Variants in HEPH observed in about 807,000 individuals in gnomAD.
The protein encoded by HEPH is hephaestin.
In HEPH, 69 loss-of-function variants were observed where a neutral mutation model predicts 80.8. The observed-to-expected ratio is 0.85, with a 90% CI of 0.70 to 1.04. The LOEUF (loss-of-function observed/expected upper bound fraction) is 1.04. Among genes scored for constraint, HEPH ranks in the 50% least tolerant of loss-of-function variants. HEPH has a pLI of 0.00. For synonymous variants in HEPH, 431 were observed against 322.8 expected (o/e 1.34, Z -3.60); for missense variants, 1,115 against 891.3 (o/e 1.25, Z -3.20).
In HEPH at chrX:66,255,130, G is replaced by T; in HGVS notation, c.2659G>T (p.Asp887Tyr). ...CVSWIYYSAV[D>Y]PIKDMYSGLV... is the part of the protein sequence containing the mutation. ...TTCCTGGATCTATTATTCTGCAGTG[G>T]ATCCCATCAAGGTAAATACAAGATT... Residue 887 changes from aspartate to tyrosine, a missense_variant, in exon 16 of 21, where the codon GAT becomes TAT. Physicochemically the swap from Asp to Tyr is radical, Grantham distance 160 (BLOSUM62 -3). Coordinates refer to ENST00000343002, the MANE Select transcript of HEPH (RefSeq NM_001367233.3). 2 of 1,195,683 alleles carry T rather than the reference G, an allele frequency of 1.7e-6. No individual in the cohort carries two copies. Among genetic ancestry groups the T allele is most frequent in the Non-Finnish European group, 2.3e-6 (2 of 883,100 alleles).
At chrX:66,243,463 T>C (rs1412842819) in intron 15 of HEPH, among the ~76,000 whole-genome samples, 1 of 112,684 alleles carries the variant, frequency 8.9e-6, no homozygotes, top group East Asian at 2.8e-4. Context: ...TTAAAGTCTG[T>C]TTTGTCTGAA....
intron 13 of HEPH, 69 bp from the exon 14 acceptor site, chrX:66,207,126 C>T (rs1367678042): frequency 1.9e-6 from 2 of 1,078,494 alleles, no homozygotes; most frequent in East Asian, 3.2e-5. Flanking sequence ...CTTAGCTTCC[C>T]CATAAATACT....
chrX:66,216,725 C>T (rs1290376290), intron 15 of HEPH, among the ~76,000 whole-genome samples: 1 of 111,874 alleles, frequency 8.9e-6, no homozygotes, highest in Non-Finnish European at 1.9e-5. Context: ...ATAAAAATCT[C>T]TGAATGGCCA....
rs141417858 is a variant in HEPH, at chrX:66,264,520, G to T, written c.3244+832G>T. The stretch of plus-strand genomic sequence containing the variant: ...AGAGATTATTTTTCTGTGCAGCCCA[G>T]GTCCAAATAGTGTTGTTATTCTCCA... On this transcript the variant is annotated intron_variant, in intron 20 of 20. Transcript: ENST00000343002. Among the ~76,000 whole-genome samples, 5 of 108,975 alleles carry T rather than the reference G, an allele frequency of 4.6e-5. No individual in the cohort carries two copies. In the East Asian group the frequency reaches 1.4e-3, roughly 31 times the overall value. The allele number at this position is 108,975 out of a possible 115,157, so 94.6% of individuals were successfully genotyped here.
At chrX:66,214,252 T>C (rs2089287363) in intron 15 of HEPH, among the ~76,000 whole-genome samples, 1 of 112,344 alleles carries the variant, frequency 8.9e-6, no homozygotes, top group Admixed American at 9.4e-5. Flanking sequence ...TAAGAGATGA[T>C]GGCAGCTTGG....
chrX:66,242,819 C>G (rs1330658228), intron 15 of HEPH, among the ~76,000 whole-genome samples: 2 of 111,742 alleles, frequency 1.8e-5, no homozygotes, highest in African/African-American at 3.3e-5. Context: ...GAGATGCCAT[C>G]TCACACCTGT....
At chrX:66,193,247 A>T (rs1384372941) in intron 7 of HEPH, among the ~76,000 whole-genome samples, 1 of 110,307 alleles carries the variant, frequency 9.1e-6, no homozygotes, top group Non-Finnish European at 1.9e-5. Flanking sequence ...CCAATAATTT[A>T]AAATATCCAA....
intron 4 of HEPH, among the ~76,000 whole-genome samples, chrX:66,178,127 A>T (rs915310924): frequency 9.0e-6 from 1 of 110,634 alleles, no homozygotes; most frequent in Admixed American, 9.7e-5. Flanking sequence ...CCAGTGTGTG[A>T]TGTTCCCTTT....
chrX:66,260,227 G>A lies in HEPH; in HGVS notation c.3164G>A (p.Gly1055Asp). ...CATGTGACTGACCATGTCCATGCTGGCATGGAGACCCTCTTCACTGTTTTT... is the reference window on the plus strand; with the variant it reads ...CATGTGACTGACCATGTCCATGCTGACATGGAGACCCTCTTCACTGTTTTT... ...HCHVTDHVHAGMETLFTVFSR... is the reference protein window; with the variant it reads ...HCHVTDHVHADMETLFTVFSR... Residue 1055 changes from glycine to aspartate, a missense_variant, in exon 19 of 21, where the codon GGC becomes GAC. Gly to Asp is a moderately conservative substitution (Grantham distance 94). This residue lies in a region of HEPH where 716 missense variants were observed against 523.5 expected (regional missense o/e 1.37). Transcript: ENST00000343002. 1 of 1,209,108 alleles carries A rather than the reference G, an allele frequency of 8.3e-7. No homozygotes were observed. Among genetic ancestry groups the A allele is most frequent in the Non-Finnish European group, 1.1e-6 (1 of 893,766 alleles).
At chrX:66,241,542 T>C (rs930188339) in intron 15 of HEPH, among the ~76,000 whole-genome samples, 1 of 111,642 alleles carries the variant, frequency 9.0e-6, no homozygotes, top group Non-Finnish European at 1.9e-5. Context: ...AAGGGTTTAA[T>C]TCAACAGGAA....
chrX:66,259,127 T>C, intron 18 of HEPH, 148 bp downstream of exon 18: 2 of 609,288 alleles, frequency 3.3e-6, no homozygotes, highest in South Asian at 9.4e-5. Flanking sequence ...GAAATTCTAG[T>C]CTGGCTGTAT....
intron 17 of HEPH, among the ~76,000 whole-genome samples, chrX:66,257,799 G>T (rs2091230306): frequency 9.0e-6 from 1 of 111,590 alleles, no homozygotes; most frequent in Admixed American, 9.5e-5. Context: ...GATTATAAAT[G>T]ATTGCTTCCT....
At chrX:66,211,968 C>A (rs1379718240) in intron 15 of HEPH, among the ~76,000 whole-genome samples, 1 of 110,865 alleles carries the variant, frequency 9.0e-6, no homozygotes, top group Non-Finnish European at 1.9e-5. Flanking sequence ...TGTAAGAGTT[C>A]CCTTTTCTCT....
chrX:66,243,805 T>C (rs748779092), intron 15 of HEPH, among the ~76,000 whole-genome samples: 4 of 112,369 alleles, frequency 3.6e-5, no homozygotes, highest in African/African-American at 1.3e-4. Context: ...TTGGTAAGGG[T>C]CTTTCCTTTT....
intron 15 of HEPH, among the ~76,000 whole-genome samples, chrX:66,209,924 C>G (rs775490250): frequency 9.0e-6 from 1 of 111,229 alleles, no homozygotes; most frequent in African/African-American, 3.3e-5. Context: ...TAAAGATAGA[C>G]TTACAGATCT....
intron 15 of HEPH, among the ~76,000 whole-genome samples, chrX:66,227,486 C>T (rs1175590500): frequency 1.8e-5 from 2 of 111,556 alleles, no homozygotes; most frequent in Non-Finnish European, 3.8e-5. Context: ...GTCAAACTGT[C>T]ACTGTTTGCT....
chrX:66,188,142 A>G (rs1323968884), intron 4 of HEPH, among the ~76,000 whole-genome samples: 1 of 111,652 alleles, frequency 9.0e-6, no homozygotes, highest in East Asian at 2.8e-4. Flanking sequence ...TGTAGATCCT[A>G]TGTGTCCTAA....
rs1041781751 is a variant in HEPH, at chrX:66,172,299, C to A, written c.168-56C>A. 4.5e-6 allele frequency: 5 copies of A among 1,115,384 alleles called. No individual in the cohort carries two copies. In the East Asian group the frequency reaches 1.2e-4, roughly 27 times the overall value. The allele number at this position is 1,115,384 out of a possible 1,213,427, so 91.9% of individuals were successfully genotyped here. Reference sequence around the variant, plus strand: ...TGGTCAGTATCCTCTGGAAAAGGAACCTCTCAAGGCTTGAAGATGGGGGGC... The same window carrying A: ...TGGTCAGTATCCTCTGGAAAAGGAAACTCTCAAGGCTTGAAGATGGGGGGC... On this transcript the variant is annotated intron_variant, in intron 2 of 20. Coordinates refer to ENST00000343002, the MANE Select transcript of HEPH (RefSeq NM_001367233.3).
chrX:66,211,891 G>GT (rs371597543), intron 15 of HEPH, among the ~76,000 whole-genome samples: 44 of 111,229 alleles, frequency 4.0e-4, no homozygotes, highest in African/African-American at 1.3e-3. Context: ...TAATTTTTTA[G>GT]TTTTTTTAGA....
Sources: allele counts gnomAD v4.1 joint callset (sites outside exome capture counted in the v4.1 genomes callset), GRCh38; gene constraint gnomAD v4.1.1; regional missense constraint gnomAD v4.1.1; transcripts MANE v1.5; gene names NCBI Gene and HGNC (gene_info 2026-07-23, HGNC 2026-07-21).